SLC14A2: variants seen among roughly 807,000 people sequenced by gnomAD.
SLC14A2 encodes solute carrier family 14 member 2.
In SLC14A2, 91 loss-of-function variants were observed where a neutral mutation model predicts 104.6. The observed-to-expected ratio is 0.87, with a 90% CI of 0.73 to 1.04. SLC14A2 has a LOEUF of 1.04. Among genes scored for constraint, SLC14A2 ranks in the 50% least tolerant of loss-of-function variants. The probability of loss-of-function intolerance (pLI) is 0.00; values close to 1 mark genes in which losing one functional copy is unlikely to be tolerated. For synonymous variants in SLC14A2, 476 were observed against 466.4 expected (o/e 1.02, Z -0.27); for missense variants, 1,189 against 1,156.0 (o/e 1.03, Z -0.41).
rs145891618 is a variant in SLC14A2 at position 45,219,067 on chromosome 18, A to G, written c.-125+5876A>G. ...AGGGCATCTGAAAAACAAAAAATGT[A>G]TAAGTGAGTCCTCTCAAAGCGCTGA... is the stretch of plus-strand genomic sequence containing the variant. On this transcript the variant is annotated intron_variant, in intron 1 of 20. Coordinates refer to the SLC14A2 transcript ENST00000586448. 1.1e-4 allele frequency among the ~76,000 whole-genome samples: 16 copies of G among 152,368 alleles called. No homozygotes were observed. The East Asian group carries it at 2.7e-3, about 26-fold the overall frequency.
chr18:45,627,067 C>G lies in SLC14A2; in HGVS notation c.441C>G (p.Ile147Met). Residue 147 changes from isoleucine to methionine, a missense_variant, in exon 4 of 20, where the codon ATC becomes ATG. Physicochemically the swap from Ile to Met is conservative, Grantham distance 10 (BLOSUM62 1). Transcript: ENST00000255226. ...SGLIIFIGLL[I>M]QNPWWTITGG... is the part of the protein sequence containing the mutation. Reference sequence around the variant, plus strand: ...TCATCATCTTCATAGGGCTGCTGATCCAGAATCCCTGGTGGACAATCACTG... The same window carrying G: ...TCATCATCTTCATAGGGCTGCTGATGCAGAATCCCTGGTGGACAATCACTG... 1 of 1,613,892 alleles carries G rather than the reference C, an allele frequency of 6.2e-7. No individual in the cohort carries two copies. The highest frequency in any genetic ancestry group is 8.5e-7 in the Non-Finnish European group (1 of 1,179,974).
intron 1 of SLC14A2, among the ~76,000 whole-genome samples, chr18:45,476,766 T>A (rs1485776806): frequency 6.6e-6 from 1 of 152,248 alleles, no homozygotes; most frequent in Non-Finnish European, 1.5e-5. Context: ...TTCCACTTGA[T>A]CGATTCGGCT....
chr18:45,380,069 C>T (rs2144378016), intron 1 of SLC14A2, among the ~76,000 whole-genome samples: 1 of 152,294 alleles, frequency 6.6e-6, no homozygotes, highest in East Asian at 1.9e-4. Flanking sequence ...ATGACTCATT[C>T]TTCTTATACC....
intron 1 of SLC14A2, among the ~76,000 whole-genome samples, chr18:45,476,279 CTTTGTT>C (rs1360057018): frequency 6.6e-6 from 1 of 152,120 alleles, no homozygotes; most frequent in African/African-American, 2.4e-5. Flanking sequence ...ATTGAAAACT[CTTTGTT>C]TTAAGAATTT....
intron 1 of SLC14A2, among the ~76,000 whole-genome samples, chr18:45,224,475 A>G (rs757001620): frequency 9.2e-4 from 140 of 152,266 alleles, no homozygotes; most frequent in Admixed American, 2.3e-3. Context: ...CATTCACACT[A>G]TGGAGTCAGA....
intron 1 of SLC14A2, among the ~76,000 whole-genome samples, chr18:45,319,624 G>C (rs998049921): frequency 6.6e-6 from 1 of 152,238 alleles, no homozygotes; most frequent in Non-Finnish European, 1.5e-5. Context: ...GAACAAGACA[G>C]TCTGGGCTTC....
chr18:45,391,751 T>G (rs1214132981), intron 1 of SLC14A2, among the ~76,000 whole-genome samples: 1 of 152,254 alleles, frequency 6.6e-6, no homozygotes, highest in Non-Finnish European at 1.5e-5. Context: ...TTCATATCCT[T>G]CGCCCACTTT....
At chr18:45,408,503 C>T (rs1261246245) in intron 1 of SLC14A2, among the ~76,000 whole-genome samples, 1 of 152,124 alleles carries the variant, frequency 6.6e-6, no homozygotes, top group East Asian at 1.9e-4. Context: ...TGAATGACAG[C>T]AATTTTGCAC....
intron 1 of SLC14A2, among the ~76,000 whole-genome samples, chr18:45,245,977 T>C (rs749576217): frequency 6.6e-6 from 1 of 152,246 alleles, no homozygotes; most frequent in Non-Finnish European, 1.5e-5. Context: ...AGCTTCTGTG[T>C]AGATTCTTAT....
chr18:45,470,133 T>G (rs1276985864), intron 1 of SLC14A2, among the ~76,000 whole-genome samples: 1 of 152,358 alleles, frequency 6.6e-6, no homozygotes, highest in East Asian at 1.9e-4. Flanking sequence ...AAGCTGTTGC[T>G]ATGTTTTTTT....
chr18:45,446,524 G>C (rs929562968), intron 1 of SLC14A2, among the ~76,000 whole-genome samples: 3 of 152,210 alleles, frequency 2.0e-5, no homozygotes, highest in Non-Finnish European at 4.4e-5. Context: ...GAGAGAAACT[G>C]TCTTTTGTTT....
At chr18:45,496,260 TCCA>T (rs2043095750) in intron 2 of SLC14A2, among the ~76,000 whole-genome samples, 1 of 152,194 alleles carries the variant, frequency 6.6e-6, no homozygotes, top group Non-Finnish European at 1.5e-5. Context: ...AAGTAACATT[TCCA>T]AGTGTGATGG....
chr18:45,645,033 C>T (rs1453590335), intron 10 of SLC14A2, among the ~76,000 whole-genome samples: 1 of 152,152 alleles, frequency 6.6e-6, no homozygotes, highest in Non-Finnish European at 1.5e-5. Flanking sequence ...CATCCCCCAA[C>T]AGGGCCCAGT....
chr18:45,533,011 C>T lies in SLC14A2; in HGVS notation c.-35+49689C>T, dbSNP rs896088083. Among the ~76,000 whole-genome samples the T allele has an allele frequency of 1.1e-3, 158 of 150,456 alleles. 1 individual carries two copies. Among genetic ancestry groups the T allele is most frequent in the Middle Eastern group, 3.4e-3 (1 of 294 alleles). ...ATGCTGGATTACGTTTATTGATTTG[C>T]GTATGTTGAACCAGCCTTGCATCCC... is the stretch of plus-strand genomic sequence containing the variant. On this transcript the variant is annotated intron_variant, in intron 2 of 20. Transcript: ENST00000586448.
intron 1 of SLC14A2, among the ~76,000 whole-genome samples, chr18:45,355,165 T>C (rs75013356): frequency 2.0e-5 from 3 of 152,142 alleles, no homozygotes; most frequent in African/African-American, 7.2e-5. Context: ...ACAATCATAA[T>C]TGACCTTTCG....
At chr18:45,293,674 C>T (rs766984090) in intron 1 of SLC14A2, among the ~76,000 whole-genome samples, 1 of 152,006 alleles carries the variant, frequency 6.6e-6, no homozygotes, top group Non-Finnish European at 1.5e-5. Context: ...ATCTTTAAAG[C>T]GGGATTCCAG....
chr18:45,291,357 T>C (rs1267877674), intron 1 of SLC14A2, among the ~76,000 whole-genome samples: 1 of 152,086 alleles, frequency 6.6e-6, no homozygotes, highest in African/African-American at 2.4e-5. Context: ...TAATGAGGAA[T>C]GATGAGTGAG....
At chr18:45,635,797 G>T (rs570138379) in intron 5 of SLC14A2, among the ~76,000 whole-genome samples, 1 of 152,202 alleles carries the variant, frequency 6.6e-6, no homozygotes, top group Admixed American at 6.5e-5. Context: ...AGAAAAAGAA[G>T]AGATTGAAGC....
chr18:45,322,847 T>A (rs796169335), intron 1 of SLC14A2, among the ~76,000 whole-genome samples: 6 of 152,312 alleles, frequency 3.9e-5, no homozygotes, highest in African/African-American at 1.4e-4. Context: ...ACCGAGGTTC[T>A]TTGAGTTGGA....
Sources: gnomAD v4.1 joint callset for allele counts (sites outside exome capture counted in the v4.1 genomes callset) on GRCh38, gnomAD v4.1.1 for gene constraint, MANE v1.5 for transcripts, NCBI Gene and HGNC (gene_info 2026-07-23, HGNC 2026-07-21) for gene names.